Variants in QSER1 observed in about 807,000 individuals in gnomAD.
QSER1 encodes glutamine and serine rich 1.
QSER1 carries 49 observed loss-of-function variants against 158.5 expected under a neutral mutation model. The observed-to-expected ratio is 0.31, with a 90% CI of 0.25 to 0.39. The LOEUF is 0.39. QSER1 is among the 10% of genes least tolerant of loss of function. QSER1 has a pLI of 1.00. For missense variants in QSER1, 1,754 were observed against 2,010.3 expected (o/e 0.87, Z 2.44); for synonymous variants, 650 against 715.5 (o/e 0.91, Z 1.46).
intron 1 of QSER1, among the ~76,000 whole-genome samples, chr11:32,897,159 T>TA (rs951559451): frequency 6.6e-6 from 1 of 152,220 alleles, no homozygotes; most frequent in African/African-American, 2.4e-5. Context: ...AAATTCATTA[T>TA]AAAAATCCTT....
chr11:32,897,666 C>T (rs1390877467), intron 1 of QSER1, among the ~76,000 whole-genome samples: 3 of 152,208 alleles, frequency 2.0e-5, no homozygotes, highest in African/African-American at 7.2e-5. Context: ...CTCACATCCA[C>T]GTCCATGCTT....
At chr11:32,927,462 C>T (rs544217305) in intron 2 of QSER1, among the ~76,000 whole-genome samples, 193 bp downstream of exon 2, 1 of 152,294 alleles carries the variant, frequency 6.6e-6, no homozygotes, top group African/African-American at 2.4e-5. Flanking sequence ...GGCTGGAGTG[C>T]AGTGGCGTGA....
rs1386113336 is a variant in QSER1, at chr11:32,956,016, G to A, written c.4646G>A (p.Ser1549Asn). Reference protein sequence around the residue: ...SYLGYFGDAKSKYKRIYVKFI... With the variant: ...SYLGYFGDAKNKYKRIYVKFI... ...CTTGGATATTTTGGAGATGCAAAGA[G>A]TAAATACAAAAGAATATATGTGAAG... Residue 1549 changes from serine to asparagine, a missense_variant, in exon 7 of 13, where the codon AGT (serine) becomes AAT (asparagine). Transcript: ENST00000650167. The A allele has an allele frequency of 4.4e-6, 7 of 1,607,980 alleles. No homozygotes were observed. Among genetic ancestry groups the A allele is most frequent in the Admixed American group, 1.7e-5 (1 of 59,750 alleles).
rs1335386335 is a variant in QSER1, at chr11:32,954,189, G to A, written c.4500+10G>A. 2 of 1,606,042 alleles carry A rather than the reference G, an allele frequency of 1.2e-6. No homozygotes were observed. The highest frequency in any genetic ancestry group is 2.2e-5 in the East Asian group (1 of 44,826). Reference sequence around the variant, plus strand: ...CATAGAGACTTTTAAGGTGATGTCAGTGTTCACCAGTGTAAAGGTCATAGT... The same window carrying A: ...CATAGAGACTTTTAAGGTGATGTCAATGTTCACCAGTGTAAAGGTCATAGT... On this transcript the variant is annotated intron_variant, in intron 5 of 12. Transcript: ENST00000650167.
chr11:32,976,440 A>G lies in QSER1; in HGVS notation c.5561A>G (p.Glu1854Gly), dbSNP rs1276061879. ...GAGGACCTCTTTGAAAAATTTGGAG[A>G]ACTTCTAAATCATGTACAGCAGAAA... is the stretch of plus-strand genomic sequence containing the variant. ...WVEDLFEKFG[E>G]LLNHVQQKCS The change falls in exon 13 of 13, where the codon GAA (glutamate) becomes GGA (glycine). Residue 1854 changes from glutamate to glycine, a missense_variant. Physicochemically the swap from Glu to Gly is moderately conservative, Grantham distance 98. This residue lies in a region of QSER1 where 47 missense variants were observed against 90.7 expected (regional missense o/e 0.52). Coordinates refer to ENST00000650167, the MANE Select transcript of QSER1 (RefSeq NM_001076786.3). 1 of 1,608,670 alleles carries G rather than the reference A, an allele frequency of 6.2e-7. No homozygotes were observed. Among genetic ancestry groups the G allele is most frequent in the Non-Finnish European group, 8.5e-7 (1 of 1,178,454 alleles).
At chr11:32,945,620 G>C (rs1174111030) in intron 4 of QSER1, among the ~76,000 whole-genome samples, 89 of 151,982 alleles carry the variant, frequency 5.9e-4, no homozygotes, top group African/African-American at 2.1e-3. Context: ...TTAGTCTGAT[G>C]GGCTTCCCTT....
At chr11:32,953,795 T>C in intron 4 of QSER1, 62 bp from the exon 5 acceptor site, 1 of 1,523,062 alleles carries the variant, frequency 6.6e-7, no homozygotes, top group South Asian at 1.3e-5. Flanking sequence ...TTTTGAGTTT[T>C]ACACAAAACA....
intron 1 of QSER1, among the ~76,000 whole-genome samples, chr11:32,902,599 T>C (rs1487617332): frequency 6.6e-6 from 1 of 152,164 alleles, no homozygotes; most frequent in Non-Finnish European, 1.5e-5. Context: ...TTCCCCAAAG[T>C]ATTTTTCCTT....
chr11:32,961,855 A>G (rs1329304059), intron 8 of QSER1, among the ~76,000 whole-genome samples: 3 of 152,202 alleles, frequency 2.0e-5, no homozygotes, highest in Admixed American at 2.0e-4. Context: ...ATGGCTAAGT[A>G]ATATTCCATT....
At chr11:32,969,186 CAT>C in intron 10 of QSER1, 43 bp downstream of exon 10, 9 of 1,111,284 alleles carry the variant, frequency 8.1e-6, no homozygotes, top group Non-Finnish European at 1.2e-5. Flanking sequence ...CAATGGCAGT[CAT>C]AGTCTTAAGT....
intron 1 of QSER1, among the ~76,000 whole-genome samples, chr11:32,920,903 T>C (rs1275297885): frequency 1.3e-5 from 2 of 152,204 alleles, no homozygotes; most frequent in African/African-American, 4.8e-5. Flanking sequence ...CTGGTGGGAA[T>C]GTAAAATGGT....
chr11:32,934,989 C>T lies in QSER1; in HGVS notation c.3731C>T (p.Pro1244Leu). The T allele has an allele frequency of 6.2e-7, 1 of 1,614,136 alleles. No individual in the cohort carries two copies. The highest frequency in any genetic ancestry group is 8.5e-7 in the Non-Finnish European group (1 of 1,180,000). Residue 1244 changes from proline (P) to leucine (L), a missense_variant, in exon 4 of 13, where the codon CCT becomes CTT. By Grantham distance (98) the Pro-to-Leu change is moderately conservative. Coordinates refer to ENST00000650167, the MANE Select transcript of QSER1 (RefSeq NM_001076786.3). ...RGTDIYLPYT[P>L]PSSESCHDGY... ...ACAGATATTTACTTACCGTATACTCCTCCTTCCTCAGAAAGCTGCCATGAT... is the reference window on the plus strand; with the variant it reads ...ACAGATATTTACTTACCGTATACTCTTCCTTCCTCAGAAAGCTGCCATGAT...
chr11:32,966,677 C>T (rs1852755623), intron 9 of QSER1, among the ~76,000 whole-genome samples: 1 of 151,986 alleles, frequency 6.6e-6, no homozygotes. Context: ...CAGTTTCTTC[C>T]AATTCTAGAA....
chr11:32,969,981 G>A (rs185563068), intron 10 of QSER1, among the ~76,000 whole-genome samples: 77 of 152,202 alleles, frequency 5.1e-4, no homozygotes, highest in Admixed American at 2.5e-3. Context: ...CACTGCACCC[G>A]GCCGAGCTTT....
intron 4 of QSER1, among the ~76,000 whole-genome samples, chr11:32,949,500 A>G (rs1471058233): frequency 6.6e-6 from 1 of 152,242 alleles, no homozygotes; most frequent in Admixed American, 6.5e-5. Flanking sequence ...TGCCATGTCC[A>G]ACAGAAGCAT....
In QSER1 at chr11:32,961,693, A is replaced by AT. The variant is rs1852628159; in HGVS notation, c.4969+3613dup. 5.9e-5 allele frequency among the ~76,000 whole-genome samples: 9 copies of AT among 152,118 alleles called. No homozygotes were observed. In the South Asian group the frequency reaches 1.7e-3, roughly 28 times the overall value. Reference sequence around the variant, plus strand: ...TCCAGCTACTGGTAACCTCTAACCTATTTTTTGTATTTGTGATTTTGCCCA... The same window carrying AT: ...TCCAGCTACTGGTAACCTCTAACCTATTTTTTTGTATTTGTGATTTTGCCCA... On this transcript the variant is annotated intron_variant, in intron 8 of 12. Coordinates refer to ENST00000650167, the MANE Select transcript of QSER1 (RefSeq NM_001076786.3).
At position 32,933,683 on chromosome 11, in the gene QSER1, C is replaced by A. The variant is rs368542745; in HGVS notation, c.2425C>A (p.His809Asn). 5.6e-5 allele frequency: 90 copies of A among 1,613,626 alleles called. No homozygotes were observed. The African/African-American group carries it at 1.1e-3, about 20-fold the overall frequency. Residue 809 changes from histidine (H) to asparagine (N), a missense_variant, in exon 4 of 13, where the codon CAT becomes AAT. By Grantham distance (68) the His-to-Asn change is moderately conservative (BLOSUM62 1). This residue lies in a region of QSER1 where 1,707 missense variants were observed against 1,919.6 expected (regional missense o/e 0.89). Transcript: ENST00000650167. The part of the protein sequence containing the change: ...RLNTKDLKQQ[H>N]PLILKVHESK... ...GAATACTAAAGACTTAAAGCAGCAA[C>A]ATCCTCTCATACTTAAGGTGCATGA... is the stretch of plus-strand genomic sequence containing the variant.
At position 32,932,463 on chromosome 11, in the gene QSER1, ATCC is replaced by A; in HGVS notation, c.1210_1212del (p.Pro404del). ...TCATCTGCGATTCCATCATCAGGGT[ATCC>A]TCCTTCTACTACAAAAATAAAAAGC... On this transcript the variant is annotated inframe_deletion, in exon 4 of 13. Transcript: ENST00000650167. 1.2e-6 allele frequency: 2 copies of A among 1,601,236 alleles called. No individual in the cohort carries two copies. Among genetic ancestry groups the A allele is most frequent in the East Asian group, 4.5e-5 (2 of 44,808 alleles).
chr11:32,901,229 TTA>T (rs1186851796), intron 1 of QSER1, among the ~76,000 whole-genome samples: 1 of 152,188 alleles, frequency 6.6e-6, no homozygotes, highest in African/African-American at 2.4e-5. Flanking sequence ...AGAAAAGTAT[TTA>T]GAGTGATGTC....
Sources: gnomAD v4.1 joint callset for allele counts (sites outside exome capture counted in the v4.1 genomes callset) on GRCh38, gnomAD v4.1.1 for gene constraint, gnomAD v4.1.1 regional missense constraint, MANE v1.5 for transcripts, NCBI Gene and HGNC (gene_info 2026-07-23, HGNC 2026-07-21) for gene names.